The following TANC2 variants were observed in gnomAD, a reference collection of about 807,000 sequenced individuals.
The protein encoded by TANC2 is protein TANC2.
TANC2 carries 26 observed loss-of-function variants against 210.5 expected under a neutral mutation model. That is an observed-to-expected ratio of 0.12 (90% CI 0.09 to 0.17). The LOEUF (loss-of-function observed/expected upper bound fraction) is 0.17, where lower values mean the gene tolerates loss of function less well. Ranked by LOEUF, TANC2 falls within the 10% of genes least tolerant of loss-of-function variation. TANC2 has a pLI of 1.00. For missense variants in TANC2, 2,129 were observed against 2,608.9 expected (o/e 0.82, Z 4.01); for synonymous variants, 931 against 967.1 (o/e 0.96, Z 0.69).
chr17:63,031,978 A>G (rs1216418030), intron 2 of TANC2, among the ~76,000 whole-genome samples: 1 of 152,190 alleles, frequency 6.6e-6, no homozygotes, highest in East Asian at 1.9e-4. Flanking sequence ...TTTCAGGCAC[A>G]GAGTACAGCA....
chr17:63,288,453 G>A (rs2044289150), intron 9 of TANC2, among the ~76,000 whole-genome samples: 1 of 152,174 alleles, frequency 6.6e-6, no homozygotes, highest in South Asian at 2.1e-4. Context: ...GTCTGGTTTG[G>A]TAAATACTCC....
chr17:63,406,074 C>T, intron 20 of TANC2, 80 bp from the exon 21 acceptor site: 6 of 1,560,832 alleles, frequency 3.8e-6, no homozygotes, highest in Non-Finnish European at 5.2e-6. Context: ...GGAATTCCTA[C>T]AGAGTAAGAG....
At chr17:63,191,119 A>G (rs2041170857) in intron 5 of TANC2, among the ~76,000 whole-genome samples, 1 of 152,010 alleles carries the variant, frequency 6.6e-6, no homozygotes, top group African/African-American at 2.4e-5. Flanking sequence ...ATGAAACAAA[A>G]AGGGAAGAAA....
intron 9 of TANC2, among the ~76,000 whole-genome samples, chr17:63,289,867 G>A (rs1029925699): frequency 1.3e-5 from 2 of 152,176 alleles, no homozygotes; most frequent in Admixed American, 6.5e-5. Context: ...AGTTCAGTAA[G>A]TAGGTCTCAG....
At position 63,420,291 on chromosome 17, in the gene TANC2, C is replaced by T; in HGVS notation, c.4561C>T (p.Leu1521Phe). 1 of 1,613,802 alleles carries T rather than the reference C, an allele frequency of 6.2e-7. No homozygotes were observed. Among genetic ancestry groups the T allele is most frequent in the Non-Finnish European group, 8.5e-7 (1 of 1,179,824 alleles). ...GACAGAGGCCCGGCCCAGCCAGGGG[C>T]TCCCGGTCATCCAGAGCCCACCCTC... The change falls in exon 28 of 28, where the codon CTC (leucine) becomes TTC (phenylalanine). Residue 1521 changes from leucine (L) to phenylalanine (F), a missense_variant. Physicochemically the swap from Leu to Phe is conservative, Grantham distance 22. Coordinates refer to ENST00000689528, the Ensembl canonical transcript of TANC2. The surrounding 1 kb of genome is among the most constrained non-coding windows in gnomAD (Gnocchi z 4.2).
At chr17:62,980,506 T>A (rs1598181456) in intron 1 of TANC2, among the ~76,000 whole-genome samples, 1 of 152,136 alleles carries the variant, frequency 6.6e-6, no homozygotes, top group Non-Finnish European at 1.5e-5. Flanking sequence ...CTGAAAAAAA[T>A]TTGAAATCTG....
intron 14 of TANC2, among the ~76,000 whole-genome samples, chr17:63,369,438 G>T: frequency 6.6e-6 from 1 of 152,112 alleles, no homozygotes; most frequent in East Asian, 1.9e-4. Flanking sequence ...ATACTGGAAG[G>T]CTGCTGGGGA....
At chr17:63,222,619 A>T (rs1027741475) in intron 7 of TANC2, among the ~76,000 whole-genome samples, 2 of 152,148 alleles carry the variant, frequency 1.3e-5, no homozygotes, top group Non-Finnish European at 2.9e-5. Context: ...GATGATGGAA[A>T]GTTGATTACA....
intron 4 of TANC2, among the ~76,000 whole-genome samples, chr17:63,113,747 A>G (rs1282450688): frequency 1.3e-5 from 2 of 151,818 alleles, no homozygotes; most frequent in Non-Finnish European, 2.9e-5. Context: ...GGCTCAAGCA[A>G]CCCTCTCACC....
chr17:63,298,419 T>C (rs2044604864), intron 9 of TANC2, among the ~76,000 whole-genome samples: 1 of 152,200 alleles, frequency 6.6e-6, no homozygotes, highest in South Asian at 2.1e-4. Context: ...CCTTGAATTA[T>C]GCTAAGTGAG....
intron 7 of TANC2, among the ~76,000 whole-genome samples, chr17:63,229,980 G>A (rs1471822762): frequency 4.6e-5 from 7 of 151,988 alleles, no homozygotes; most frequent in African/African-American, 1.7e-4. Context: ...ATTTTTAGCA[G>A]AGACTGGATT....
Position 63,098,511 on chromosome 17 carries a change from G to GTATATATATA in TANC2, c.140-663_140-662insATATATATAT, listed in dbSNP as rs1286873668. ...TCTCTCTCTCTCTCTCTCTCTCTCT[G>GTATATATATA]TGTGTATATATATATATATATATGT... On this transcript the variant is annotated intron_variant, in intron 3 of 27. Transcript: ENST00000689528. 3.3e-4 allele frequency among the ~76,000 whole-genome samples: 24 copies of GTATATATATA among 72,592 alleles called. 1 individual carries two copies. Among genetic ancestry groups the GTATATATATA allele is most frequent in the African/African-American group, 1.8e-3 (19 of 10,320 alleles). 47.6% of individuals were successfully genotyped at this position (72,592 alleles called of 152,430 possible). A position where few individuals can be genotyped will look rare whatever the true frequency, so the allele number is the denominator to read the frequency against.
At chr17:63,369,739 A>T (rs1033575835) in intron 14 of TANC2, among the ~76,000 whole-genome samples, 4 of 151,682 alleles carry the variant, frequency 2.6e-5, no homozygotes, top group Non-Finnish European at 5.9e-5. Flanking sequence ...AGTAGCTGGG[A>T]TTACAGGCAT....
chr17:63,081,918 A>C (rs548818560), intron 3 of TANC2, among the ~76,000 whole-genome samples: 76 of 152,192 alleles, frequency 5.0e-4, no homozygotes, highest in African/African-American at 1.7e-3. Flanking sequence ...TAATCCCAGC[A>C]CTTTGGGAGG....
intron 14 of TANC2, among the ~76,000 whole-genome samples, chr17:63,370,005 C>T (rs1378199926): frequency 6.6e-6 from 1 of 152,096 alleles, no homozygotes; most frequent in Non-Finnish European, 1.5e-5. Context: ...ACACCCTGCT[C>T]TCTCTTCTCA....
intron 2 of TANC2, among the ~76,000 whole-genome samples, chr17:63,028,583 G>A (rs1334847340): frequency 6.6e-6 from 1 of 152,116 alleles, no homozygotes; most frequent in East Asian, 1.9e-4. Context: ...CCCATCTCGG[G>A]TGATAAGAAT....
chr17:63,078,672 T>C (rs2036656314), intron 3 of TANC2, among the ~76,000 whole-genome samples: 1 of 152,198 alleles, frequency 6.6e-6, no homozygotes, highest in Non-Finnish European at 1.5e-5. Flanking sequence ...TATGTTGATG[T>C]AGTTTCCAAA....
chr17:63,140,744 AAC>A (rs1157671954), intron 4 of TANC2, among the ~76,000 whole-genome samples: 2 of 152,098 alleles, frequency 1.3e-5, no homozygotes, highest in African/African-American at 4.8e-5. Context: ...TACCTTGAGA[AAC>A]AGTTTTTTGT....
chr17:63,150,558 A>G (rs1286137760), intron 4 of TANC2: 2 of 152,212 alleles, frequency 1.3e-5, no homozygotes, highest in African/African-American at 4.8e-5. Context: ...CATAGGCATC[A>G]TGATTAAATT....
Sources: allele counts gnomAD v4.1 joint callset (sites outside exome capture counted in the v4.1 genomes callset), GRCh38; gene constraint gnomAD v4.1.1; non-coding constraint Gnocchi (gnomAD v3.1); transcripts MANE v1.5; gene names NCBI Gene and HGNC (gene_info 2026-07-23, HGNC 2026-07-21).